Variants in SLC25A42 observed in about 807,000 individuals in gnomAD.
The protein encoded by SLC25A42 is mitochondrial coenzyme A transporter SLC25A42.
Under a neutral mutation model 34.7 loss-of-function variants are expected in SLC25A42, and 19 were observed. The ratio of observed to expected loss-of-function variants is 0.55; its 90% confidence interval spans 0.38 to 0.80. SLC25A42 has a LOEUF of 0.80. SLC25A42 is among the 30% of genes least tolerant of loss of function. SLC25A42 has a pLI of 0.00. For synonymous variants in SLC25A42, 205 were observed against 191.2 expected, an observed-to-expected ratio of 1.07 and a Z score of -0.59; for missense variants, 364 against 441.3, an observed-to-expected ratio of 0.82 and a Z score of 1.57.
chr19:19,091,259 C>T (rs2059736753), intron 1 of SLC25A42, among the ~76,000 whole-genome samples: 1 of 152,128 alleles, frequency 6.6e-6, no homozygotes, highest in Non-Finnish European at 1.5e-5. Flanking sequence ...GAGTTTGAGA[C>T]CAGCCTGGCC....
chr19:19,071,569 G>C (rs1269612442), intron 1 of SLC25A42, among the ~76,000 whole-genome samples: 1 of 152,146 alleles, frequency 6.6e-6, no homozygotes, highest in African/African-American at 2.4e-5. Flanking sequence ...CCAAGGGCTA[G>C]CAGAAAGCAA....
At chr19:19,069,830 T>C (rs532043841) in intron 1 of SLC25A42, among the ~76,000 whole-genome samples, 41 of 146,014 alleles carry the variant, frequency 2.8e-4, no homozygotes, top group African/African-American at 1.0e-3. Context: ...CTCCTCTTCT[T>C]TTTTTTTTTT....
chr19:19,069,546 C>A (rs974101872), intron 1 of SLC25A42, among the ~76,000 whole-genome samples: 1 of 152,180 alleles, frequency 6.6e-6, no homozygotes, highest in South Asian at 2.1e-4. Flanking sequence ...CCTTCCCAGG[C>A]CTTTCTCCGG....
intron 1 of SLC25A42, among the ~76,000 whole-genome samples, chr19:19,085,052 T>G (rs2059700331): frequency 6.6e-6 from 1 of 152,042 alleles, no homozygotes; most frequent in Admixed American, 6.6e-5. Context: ...AAGGACCCGG[T>G]TGTGGCTTTC....
Position 19,096,093 on chromosome 19 carries a change from C to A in SLC25A42, c.-32C>A. ...ACCACCTCCCCTTACCCCCCCAGGA[C>A]CGAGTCTCCTGCCATTCCGAGCAGG... On this transcript the variant is annotated splice_region_variant and 5_prime_UTR_variant, in exon 2 of 8. Transcript: ENST00000318596. 13 of 1,600,306 alleles carry A rather than the reference C, an allele frequency of 8.1e-6. No individual in the cohort carries two copies. The highest frequency in any genetic ancestry group is 9.4e-6 in the Non-Finnish European group (11 of 1,167,698).
At position 19,109,598 on chromosome 19, in the gene SLC25A42, T is replaced by C. The variant is rs1432153123; in HGVS notation, c.650-971T>C. ...GGCGCCCACCACCACACCTGGCTAA[T>C]TTTTGTGTGTTTTTGGTAGAGACAG... On this transcript the variant is annotated intron_variant, in intron 7 of 7. Coordinates refer to ENST00000318596, the MANE Select transcript of SLC25A42 (RefSeq NM_178526.5). This position sits in a 1 kb window ranked among gnomAD's most constrained non-coding sequence, Gnocchi z 4.1. Among the ~76,000 whole-genome samples, 2 of 152,098 alleles carry C rather than the reference T, an allele frequency of 1.3e-5. No individual in the cohort carries two copies. The highest frequency in any genetic ancestry group is 2.9e-5 in the Non-Finnish European group (2 of 68,014).
intron 1 of SLC25A42, among the ~76,000 whole-genome samples, chr19:19,074,700 AGAGT>A (rs1405517955): frequency 6.6e-6 from 1 of 151,614 alleles, no homozygotes; most frequent in Non-Finnish European, 1.5e-5. Context: ...TGTGTGTGAG[AGAGT>A]GTGTGTGTGC....
At position 19,106,347 on chromosome 19, in the gene SLC25A42, C is replaced by T. The variant is rs780180101; in HGVS notation, c.459C>T (p.Asp153=). 3 of 1,613,766 alleles carry T rather than the reference C, an allele frequency of 1.9e-6. No homozygotes were observed. Among genetic ancestry groups the T allele is most frequent in the South Asian group, 1.1e-5 (1 of 91,044 alleles). ...CCGCTTCACTGACCTACCCCCTGGA[C>T]CTGGTCAGAGCGCGGATGGCCGTAA... ...TTAASLTYPL[D]LVRARMAVTP... The change falls in exon 6 of 8, where the codon GAC becomes GAT. Residue 153 remains aspartate, a synonymous_variant. Transcript: ENST00000318596.
chr19:19,110,980 G>A lies in SLC25A42; in HGVS notation c.*104G>A. The A allele has an allele frequency of 7.4e-7, 1 of 1,344,154 alleles. No homozygotes were observed. The highest frequency in any genetic ancestry group is 1.4e-5 in the South Asian group (1 of 73,884). 83.3% of individuals were successfully genotyped at this position (1,344,154 alleles called of 1,614,324 possible). A position where few individuals can be genotyped will look rare whatever the true frequency, so the allele number is the denominator to read the frequency against. On this transcript the variant is annotated 3_prime_UTR_variant, in exon 8 of 8. Transcript: ENST00000318596. ...CTTGATTCTACTTCAGGAGGCACAT[G>A]GGGCGCTTTATGGAACGAGCAGGTG...
At chr19:19,071,437 T>C (rs1430191735) in intron 1 of SLC25A42, among the ~76,000 whole-genome samples, 2 of 152,170 alleles carry the variant, frequency 1.3e-5, no homozygotes, top group African/African-American at 4.8e-5. Flanking sequence ...TGATTGGAGT[T>C]CCATATTGGT....
chr19:19,069,910 C>T (rs1235463900), intron 1 of SLC25A42, among the ~76,000 whole-genome samples: 1 of 152,022 alleles, frequency 6.6e-6, no homozygotes, highest in Non-Finnish European at 1.5e-5. Flanking sequence ...ACTGCAACCT[C>T]TGCCTCCCAG....
chr19:19,090,898 G>A (rs183450138), intron 1 of SLC25A42, among the ~76,000 whole-genome samples: 1 of 152,310 alleles, frequency 6.6e-6, no homozygotes, highest in South Asian at 2.1e-4. Context: ...AGGCTATTAT[G>A]TCCCGAACCC....
chr19:19,105,836 C>T, intron 5 of SLC25A42, 109 bp downstream of exon 5: 1 of 992,940 alleles, frequency 1.0e-6, no homozygotes. Context: ...CCTAGCCCTG[C>T]CTTCCCTCTT....
At position 19,103,688 on chromosome 19, in the gene SLC25A42, C is replaced by T. The variant is rs139380418; in HGVS notation, c.188-1225C>T. 2.2e-3 allele frequency among the ~76,000 whole-genome samples: 337 copies of T among 152,328 alleles called. 2 individuals are homozygous for T. The highest frequency in any genetic ancestry group is 3.6e-3 in the African/African-American group (150 of 41,574). On this transcript the variant is annotated intron_variant, in intron 3 of 7. Transcript: ENST00000318596. ...CTAGGGCCCAGAAGCAAGATGGTTA[C>T]GGCCCGGGCCCTCTGCCCCTCAGCT... is the stretch of plus-strand genomic sequence containing the variant.
chr19:19,110,172 C>T (rs1423837763), intron 7 of SLC25A42, among the ~76,000 whole-genome samples: 1 of 152,070 alleles, frequency 6.6e-6, no homozygotes, highest in Non-Finnish European at 1.5e-5. Flanking sequence ...CATGGAGAAA[C>T]CCTGTCTCTA....
chr19:19,085,731 G>A (rs2059704912), intron 1 of SLC25A42, among the ~76,000 whole-genome samples: 1 of 152,092 alleles, frequency 6.6e-6, no homozygotes, highest in Admixed American at 6.6e-5. Context: ...ACCCCCACAT[G>A]CAGAGGCAGA....
chr19:19,105,826 C>A (rs530254742), intron 5 of SLC25A42, 99 bp downstream of exon 5: 2 of 1,048,790 alleles, frequency 1.9e-6, no homozygotes, highest in Non-Finnish European at 2.7e-6. Flanking sequence ...GTGCCTTGCC[C>A]CTAGCCCTGC....
chr19:19,072,520 G>A (rs2059636270), intron 1 of SLC25A42, among the ~76,000 whole-genome samples: 1 of 151,822 alleles, frequency 6.6e-6, no homozygotes, highest in South Asian at 2.1e-4. Context: ...TAGGATTACA[G>A]GCGCCTGCCA....
chr19:19,068,433 G>A (rs1242793513), intron 1 of SLC25A42, among the ~76,000 whole-genome samples: 6 of 151,588 alleles, frequency 4.0e-5, no homozygotes, highest in Non-Finnish European at 5.9e-5. Context: ...TTGGGAGGCC[G>A]AGGCAGGTGG....
Sources: gnomAD v4.1 joint callset for allele counts (sites outside exome capture counted in the v4.1 genomes callset) on GRCh38, gnomAD v4.1.1 for gene constraint, Gnocchi (gnomAD v3.1) non-coding constraint, MANE v1.5 for transcripts, NCBI Gene and HGNC (gene_info 2026-07-23, HGNC 2026-07-21) for gene names.